NOP9: variants seen among roughly 807,000 people sequenced by gnomAD.
The protein encoded by NOP9 is NOP9 nucleolar protein.
Under a neutral mutation model 63.0 loss-of-function variants are expected in NOP9, and 50 were observed. That is an observed-to-expected ratio of 0.79 (90% confidence interval 0.63 to 1.00). The LOEUF (loss-of-function observed/expected upper bound fraction) is 1.00. Among genes scored for constraint, NOP9 ranks in the 50% least tolerant of loss-of-function variants. The probability of loss-of-function intolerance (pLI) is 0.00; values close to 1 mark genes in which losing one functional copy is unlikely to be tolerated. For missense variants in NOP9, 758 were observed against 803.0 expected, an observed-to-expected ratio of 0.94 and a Z score of 0.68; for synonymous variants, 343 against 332.8, an observed-to-expected ratio of 1.03 and a Z score of -0.33.
Position 24,300,558 on chromosome 14 carries a change from T to TG in NOP9, c.399dup (p.Arg134AlafsTer56), listed in dbSNP as rs765842215. 1.2e-6 allele frequency: 2 copies of TG among 1,614,234 alleles called. No homozygotes were observed. The highest frequency in any genetic ancestry group is 1.7e-6 in the Non-Finnish European group (2 of 1,180,040). ...GTGTGGGCTGCTCTGCGCTCTAACT[T>TG]GCGCACTGTGGCCTGTCACCGATGC... On this transcript the variant is annotated frameshift_variant, in exon 2 of 10. Coordinates refer to ENST00000267425, the MANE Select transcript of NOP9 (RefSeq NM_174913.3). LOFTEE classifies it high-confidence loss of function.
chr14:24,308,173 A>T lies in NOP9; in HGVS notation c.*3078A>T. The T allele has an allele frequency of 2.6e-6, 1 of 389,250 alleles. No individual in the cohort carries two copies. The highest frequency in any genetic ancestry group is 2.9e-5 in the South Asian group (1 of 34,118). The allele number at this position is 389,250 out of a possible 1,614,324, so 24.1% of individuals were successfully genotyped here. A position where few individuals can be genotyped will look rare whatever the true frequency, so the allele number is the denominator to read the frequency against. ...GAACCATGTAAAAGGATGAAATGTG[A>T]CTTCTGGTGTTTTTTTATTTCTATG... On this transcript the variant is annotated 3_prime_UTR_variant, in exon 10 of 10. Transcript: ENST00000267425.
At chr14:24,303,386 ATT>A (rs3052629) in intron 6 of NOP9, among the ~76,000 whole-genome samples, 172 bp downstream of exon 6, 11,018 of 140,126 alleles carry the variant, frequency 0.079, 452 homozygotes, top group South Asian at 0.15. Context: ...TACCCAGCTA[ATT>A]TTTTTTTTTT....
chr14:24,301,918 T>C, intron 3 of NOP9, 47 bp from the exon 4 acceptor site: 2 of 1,586,800 alleles, frequency 1.3e-6, no homozygotes, highest in Non-Finnish European at 1.7e-6. Flanking sequence ...TTACGCAGGT[T>C]GTCTGGATTT....
chr14:24,298,055 T>G (rs560746370), upstream of NOP9, among the ~76,000 whole-genome samples: 1 of 147,248 alleles, frequency 6.8e-6, no homozygotes, highest in Non-Finnish European at 1.5e-5. Flanking sequence ...TTAATTAAAA[T>G]TTTTTTTTTT....
chr14:24,276,953 A>G, the NOP9 span, among the ~76,000 whole-genome samples: 1 of 152,130 alleles, frequency 6.6e-6, no homozygotes, highest in Non-Finnish European at 1.5e-5. Flanking sequence ...CACAGAACGG[A>G]GGTAAATGTG....
chr14:24,299,386 A>G (rs566597809), upstream of NOP9: 21 of 334,186 alleles, frequency 6.3e-5, no homozygotes, highest in Admixed American at 2.7e-4. Context: ...CAACCCTCTG[A>G]GTGTGGCTGC....
At chr14:24,278,519 G>A in the NOP9 span, among the ~76,000 whole-genome samples, 17 of 152,314 alleles carry the variant, frequency 1.1e-4, no homozygotes, top group East Asian at 1.7e-3. Flanking sequence ...GGATGATGGC[G>A]TCTGGTGAGA....
At chr14:24,299,700 A>C, upstream of NOP9, 1 of 460,246 alleles carries the variant, frequency 2.2e-6, no homozygotes, top group Non-Finnish European at 3.8e-6. Context: ...CTGTAGTAGG[A>C]CCCGGGGCGA....
the NOP9 span, among the ~76,000 whole-genome samples, chr14:24,287,181 G>C: frequency 5.8e-3 from 887 of 152,234 alleles, 8 homozygotes; most frequent in African/African-American, 0.02. Context: ...GTGAGTCATC[G>C]TGCCCGGTCC....
Position 24,307,873 on chromosome 14 carries a change from T to C in NOP9, c.*2778T>C, listed in dbSNP as rs1181047275. 8.2e-6 allele frequency: 13 copies of C among 1,582,162 alleles called. No individual in the cohort carries two copies. The highest frequency in any genetic ancestry group is 1.1e-5 in the Non-Finnish European group (13 of 1,163,328). On this transcript the variant is annotated 3_prime_UTR_variant, in exon 10 of 10. Transcript: ENST00000267425. ...AGGTACTCCATGGTGGACCGGAGAG[T>C]TCCTTCCCTGGAACTTCTGGGCTGG...
Position 24,306,355 on chromosome 14 carries a change from C to T in NOP9, c.*1260C>T. ...CTAAAGGACAGGCATTGGAAGCAGC[C>T]CCAGTATAGGCCTCTTACCCTTGTA... On this transcript the variant is annotated 3_prime_UTR_variant, in exon 10 of 10. Transcript: ENST00000267425. 2 of 1,614,100 alleles carry T rather than the reference C, an allele frequency of 1.2e-6. No homozygotes were observed. The highest frequency in any genetic ancestry group is 1.7e-6 in the Non-Finnish European group (2 of 1,179,990).
chr14:24,297,002 A>G (rs1460998194), upstream of NOP9: 5 of 1,382,220 alleles, frequency 3.6e-6, no homozygotes, highest in East Asian at 7.2e-5. Context: ...AGCCTGCTGC[A>G]GAGGCAACAT....
At position 24,307,451 on chromosome 14, in the gene NOP9, G is replaced by A. The variant is rs767677250; in HGVS notation, c.*2356G>A. On this transcript the variant is annotated 3_prime_UTR_variant, in exon 10 of 10. Coordinates refer to ENST00000267425, the MANE Select transcript of NOP9 (RefSeq NM_174913.3). Reference sequence around the variant, plus strand: ...TTGTGATCACAGACACGGAAAGGTCGCTGGGGTGGTGGAGCTGAGGTCCAG... The same window carrying A: ...TTGTGATCACAGACACGGAAAGGTCACTGGGGTGGTGGAGCTGAGGTCCAG... The A allele has an allele frequency of 2.6e-5, 42 of 1,613,978 alleles. No homozygotes were observed. The highest frequency in any genetic ancestry group is 3.4e-5 in the Non-Finnish European group (40 of 1,180,004).
the NOP9 span, among the ~76,000 whole-genome samples, chr14:24,281,149 A>G: frequency 6.6e-6 from 1 of 152,282 alleles, no homozygotes; most frequent in African/African-American, 2.4e-5. Context: ...AGAGGCATCC[A>G]AGGCTCCCAC....
chr14:24,290,698 A>G, the NOP9 span: 8 of 796,608 alleles, frequency 1.0e-5, no homozygotes, highest in African/African-American at 6.9e-5. Context: ...CAAAGAAGGG[A>G]CCTAGGCGCA....
At chr14:24,291,167 A>C in the NOP9 span, 732 of 1,614,172 alleles carry the variant, frequency 4.5e-4, 13 homozygotes, top group East Asian at 0.016. Context: ...CATAGCGTCG[A>C]GCAAGGTCAC....
At chr14:24,276,638 A>G in the NOP9 span, among the ~76,000 whole-genome samples, 2 of 152,192 alleles carry the variant, frequency 1.3e-5, no homozygotes, top group Non-Finnish European at 2.9e-5. Flanking sequence ...AGTATTGGAC[A>G]GAGCAGGTCT....
chr14:24,291,131 G>A, the NOP9 span: 7 of 1,614,112 alleles, frequency 4.3e-6, no homozygotes, highest in Non-Finnish European at 5.9e-6. Flanking sequence ...CTGTGCCAGG[G>A]TCCTCACCGT....
Position 24,300,173 on chromosome 14 carries a change from A to G in NOP9, c.219A>G (p.Lys73=). The part of the protein sequence containing the change: ...GYFRRALSAL[K]EAPETGEERD... ...TCCGCCGGGCGCTGTCAGCATTGAA[A>G]GAGGCTCCCGAGACTGGGGAAGAAC... Residue 73 remains lysine (K), a synonymous_variant, in exon 1 of 10, where the codon AAA becomes AAG. Transcript: ENST00000267425. 1.2e-6 allele frequency: 2 copies of G among 1,614,120 alleles called. No individual in the cohort carries two copies. The highest frequency in any genetic ancestry group is 1.1e-5 in the South Asian group (1 of 91,084).
Sources: gnomAD v4.1 joint callset for allele counts (sites outside exome capture counted in the v4.1 genomes callset) on GRCh38, gnomAD v4.1.1 for gene constraint, MANE v1.5 for transcripts, NCBI Gene and HGNC (gene_info 2026-07-23, HGNC 2026-07-21) for gene names.